Variants in LUZP2 observed in about 807,000 individuals in gnomAD.
LUZP2 encodes the protein leucine zipper protein 2.
LUZP2 carries 52 observed loss-of-function variants against 51.6 expected under a neutral mutation model. That is an observed-to-expected ratio of 1.01 (90% confidence interval 0.81 to 1.27). The LOEUF (loss-of-function observed/expected upper bound fraction) is 1.27, where lower values mean the gene tolerates loss of function less well. Ranked by LOEUF, LUZP2 falls within the 50% of genes most tolerant of loss-of-function variation. The pLI, the probability that LUZP2 is intolerant of heterozygous loss-of-function variation, is 0.00. For missense variants in LUZP2, 436 were observed against 395.4 expected, an observed-to-expected ratio of 1.10 and a Z score of -0.87; for synonymous variants, 154 against 137.3, an observed-to-expected ratio of 1.12 and a Z score of -0.85.
chr11:25,064,350 T>A (rs1169385907), intron 10 of LUZP2, among the ~76,000 whole-genome samples: 1 of 152,096 alleles, frequency 6.6e-6, no homozygotes, highest in Non-Finnish European at 1.5e-5. Context: ...TGCTTTATAA[T>A]TGCTTGTTAA....
At chr11:24,953,651 CTT>C (rs1057172992) in intron 7 of LUZP2, among the ~76,000 whole-genome samples, 1 of 151,964 alleles carries the variant, frequency 6.6e-6, no homozygotes, top group Non-Finnish European at 1.5e-5. Flanking sequence ...AATACAGAGA[CTT>C]TTCAGTAAAA....
intron 9 of LUZP2, among the ~76,000 whole-genome samples, chr11:25,012,612 G>T (rs1224930183): frequency 6.6e-6 from 1 of 151,874 alleles, no homozygotes; most frequent in Admixed American, 6.6e-5. Flanking sequence ...ACTGCATTAT[G>T]AAAAAAATGC....
At chr11:24,572,588 A>G (rs1509593) in intron 1 of LUZP2, among the ~76,000 whole-genome samples, 4 of 151,880 alleles carry the variant, frequency 2.6e-5, no homozygotes, top group Non-Finnish European at 4.4e-5. Flanking sequence ...TTATCACCAC[A>G]TATGTAAAAC....
intron 1 of LUZP2, among the ~76,000 whole-genome samples, chr11:24,552,877 A>AT (rs1851760600): frequency 6.6e-6 from 1 of 151,658 alleles, no homozygotes; most frequent in Non-Finnish European, 1.5e-5. Context: ...GAAATAACCA[A>AT]TAAAAATTTC....
chr11:24,970,318 A>G (rs943465255), intron 7 of LUZP2, among the ~76,000 whole-genome samples: 3 of 152,128 alleles, frequency 2.0e-5, no homozygotes, highest in African/African-American at 7.2e-5. Context: ...TATTTTTTCC[A>G]TAAACCTGAT....
At chr11:24,680,455 A>T (rs958320577) in intron 1 of LUZP2, among the ~76,000 whole-genome samples, 1 of 152,202 alleles carries the variant, frequency 6.6e-6, no homozygotes, top group East Asian at 1.9e-4. Flanking sequence ...CAGACTTCTC[A>T]GTGTCCCAGT....
intron 7 of LUZP2, among the ~76,000 whole-genome samples, chr11:24,971,962 A>C (rs528309853): frequency 6.6e-6 from 1 of 151,956 alleles, no homozygotes; most frequent in Non-Finnish European, 1.5e-5. Context: ...CACCATGGCA[A>C]GATCCTGTTT....
At chr11:24,772,556 TGTTA>T (rs1848775588) in intron 5 of LUZP2, among the ~76,000 whole-genome samples, 1 of 152,236 alleles carries the variant, frequency 6.6e-6, no homozygotes, top group South Asian at 2.1e-4. Context: ...TTCTGTGAAA[TGTTA>T]GTCAACTGAT....
intron 9 of LUZP2, among the ~76,000 whole-genome samples, chr11:25,049,004 T>C (rs1278924460): frequency 6.6e-6 from 1 of 152,160 alleles, no homozygotes; most frequent in Non-Finnish European, 1.5e-5. Flanking sequence ...TTAACTATTC[T>C]TGGAGTTTAG....
At chr11:25,071,301 C>T (rs1259256989) in intron 10 of LUZP2, among the ~76,000 whole-genome samples, 19 of 151,784 alleles carry the variant, frequency 1.3e-4, no homozygotes, top group East Asian at 7.7e-4. Context: ...TGCTAAATGA[C>T]GAGTTAACGG....
chr11:24,616,541 C>A (rs1283008742), intron 1 of LUZP2, among the ~76,000 whole-genome samples: 1 of 151,032 alleles, frequency 6.6e-6, no homozygotes, highest in Non-Finnish European at 1.5e-5. Flanking sequence ...ATTCCCTCAA[C>A]ACCATTTCTT....
At chr11:25,071,343 T>C (rs999757822) in intron 10 of LUZP2, among the ~76,000 whole-genome samples, 2 of 151,816 alleles carry the variant, frequency 1.3e-5, no homozygotes, top group African/African-American at 4.8e-5. Context: ...CATGTATACA[T>C]ATGTAACAAA....
At chr11:24,951,697 C>A (rs77137561) in intron 7 of LUZP2, among the ~76,000 whole-genome samples, 3,193 of 151,448 alleles carry the variant, frequency 0.021, 98 homozygotes, top group African/African-American at 0.066. Context: ...TTCAATTAGC[C>A]TTTCCTTTCC....
chr11:24,691,094 G>GT (rs905627356), intron 1 of LUZP2, among the ~76,000 whole-genome samples: 10 of 151,972 alleles, frequency 6.6e-5, no homozygotes, highest in Admixed American at 3.3e-4. Flanking sequence ...GAATTCCTAT[G>GT]TTTTTTTACA....
chr11:24,711,870 A>G (rs1327485566), intron 1 of LUZP2, among the ~76,000 whole-genome samples: 3 of 152,142 alleles, frequency 2.0e-5, no homozygotes, highest in Non-Finnish European at 4.4e-5. Flanking sequence ...ACACATATGT[A>G]TATACTCCTA....
intron 4 of LUZP2, among the ~76,000 whole-genome samples, chr11:24,753,597 T>A (rs1859670829): frequency 6.6e-6 from 1 of 152,142 alleles, no homozygotes; most frequent in Non-Finnish European, 1.5e-5. Flanking sequence ...CAACGCTCAT[T>A]CCCATAATAC....
At chr11:24,742,329 G>T (rs1453185057) in intron 4 of LUZP2, among the ~76,000 whole-genome samples, 1 of 151,786 alleles carries the variant, frequency 6.6e-6, no homozygotes, top group Admixed American at 6.6e-5. Flanking sequence ...CAGTGCGAAA[G>T]TGTTCCCTGA....
chr11:24,799,574 G>C (rs1465859982), intron 5 of LUZP2, among the ~76,000 whole-genome samples: 2 of 141,510 alleles, frequency 1.4e-5, no homozygotes, highest in Non-Finnish European at 3.1e-5. Context: ...CTGGGTGACA[G>C]AGCAAGACTG....
chr11:24,878,722 A>G (rs1350685556), intron 5 of LUZP2, among the ~76,000 whole-genome samples: 1 of 151,772 alleles, frequency 6.6e-6, no homozygotes, highest in African/African-American at 2.4e-5. Flanking sequence ...TACCTGTGCC[A>G]TGGCGCTTTG....
Sources: gnomAD v4.1 joint callset for allele counts (sites outside exome capture counted in the v4.1 genomes callset) on GRCh38, gnomAD v4.1.1 for gene constraint, MANE v1.5 for transcripts, NCBI Gene and HGNC (gene_info 2026-07-23, HGNC 2026-07-21) for gene names.